Variants in SEC23B observed in about 807,000 individuals in gnomAD.
SEC23B encodes the protein SEC23 homolog B, COPII component, also known as protein transport protein Sec23B.
In SEC23B, 77 loss-of-function variants were observed where a neutral mutation model predicts 104.3. The observed-to-expected ratio is 0.74, with a 90% CI of 0.61 to 0.89. SEC23B has a LOEUF of 0.89. SEC23B is among the 40% of genes least tolerant of loss of function. The probability of loss-of-function intolerance (pLI) is 0.00; values close to 1 mark genes in which losing one functional copy is unlikely to be tolerated. For missense variants in SEC23B, 885 were observed against 949.4 expected (o/e 0.93, Z 0.89); for synonymous variants, 338 against 332.5 (o/e 1.02, Z -0.18).
intron 4 of SEC23B, among the ~76,000 whole-genome samples, chr20:18,523,884 TA>T (rs1469462629): frequency 2.6e-5 from 4 of 152,140 alleles, no homozygotes; most frequent in Admixed American, 6.5e-5. Flanking sequence ...TTTAAATTTT[TA>T]TATTTTTTTT....
chr20:18,535,814 T>A, intron 12 of SEC23B, 72 bp downstream of exon 12: 14 of 1,165,462 alleles, frequency 1.2e-5, no homozygotes, highest in East Asian at 2.3e-5. Flanking sequence ...ACCAGTGGTC[T>A]CTGGTTACTT....
intron 1 of SEC23B, among the ~76,000 whole-genome samples, chr20:18,508,652 G>A (rs2059953753): frequency 6.6e-6 from 1 of 151,046 alleles, no homozygotes; most frequent in Non-Finnish European, 1.5e-5. Flanking sequence ...CAGGCAGTAG[G>A]AAAAGGAGGG....
At chr20:18,554,210 T>C (rs759756754) in intron 17 of SEC23B, 25 bp from the exon 18 acceptor site, 1 of 1,613,936 alleles carries the variant, frequency 6.2e-7, no homozygotes, top group South Asian at 1.1e-5. Context: ...TCCACAATAG[T>C]TTTGGTTGGT....
chr20:18,525,354 T>G lies in SEC23B; in HGVS notation c.689+334T>G, dbSNP rs184935123. On this transcript the variant is annotated intron_variant, in intron 6 of 19. Transcript: ENST00000650089. ...GAGTGCCTAGACTGAGCTAACAAGC[T>G]CGATAAAATGCATTGCCCGACATGC... Among the ~76,000 whole-genome samples the G allele has an allele frequency of 4.7e-3, 723 of 152,316 alleles. 6 individuals are homozygous for G. The Middle Eastern group carries it at 0.058, about 12-fold the overall frequency.
rs113607529 is a variant in SEC23B, at chr20:18,525,183, A to G, written c.689+163A>G. On this transcript the variant is annotated intron_variant, in intron 6 of 19. Transcript: ENST00000650089. ...TCAGTGTTTTGTCAAAAAGGTTTGG[A>G]GACCACTGTGCTCAATTGCTGTTTT... Among the ~76,000 whole-genome samples, 1,216 of 152,356 alleles carry G rather than the reference A, an allele frequency of 8.0e-3. 8 individuals carry two copies. Among genetic ancestry groups the G allele is most frequent in the Middle Eastern group, 0.014 (4 of 294 alleles).
At chr20:18,511,197 TGTGGTGAGTAGTAA>T (rs1411228704) in intron 2 of SEC23B, 141 bp downstream of exon 2, 18 of 706,818 alleles carry the variant, frequency 2.5e-5, no homozygotes, top group Non-Finnish European at 1.8e-5. Flanking sequence ...AAACGATTCT[TGTGGTGAGTAGTAA>T]GTGGTGAATA....
intron 8 of SEC23B, among the ~76,000 whole-genome samples, chr20:18,527,129 A>G (rs1423622986): frequency 1.3e-5 from 2 of 152,268 alleles, no homozygotes; most frequent in African/African-American, 4.8e-5. Flanking sequence ...AGGCACGAGA[A>G]TCCGTTGAAC....
At chr20:18,557,816 G>A (rs1204367078) in intron 19 of SEC23B, among the ~76,000 whole-genome samples, 1 of 143,774 alleles carries the variant, frequency 7.0e-6, no homozygotes, top group African/African-American at 2.6e-5. Context: ...GCAATGGTGT[G>A]ATCTCAGCTC....
Position 18,542,348 on chromosome 20 carries a change from A to G in SEC23B, c.1457A>G (p.His486Arg). The change falls in exon 13 of 20, where the codon CAT becomes CGT. Residue 486 changes from histidine (H) to arginine (R), a missense_variant. Physicochemically the swap from His to Arg is conservative, Grantham distance 29 (BLOSUM62 0). Coordinates refer to ENST00000650089, the MANE Select transcript of SEC23B (RefSeq NM_006363.6). ...GGRGAIQFVT[H>R]YQHSSTQRRI... The stretch of plus-strand genomic sequence containing the variant: ...AGAGGAGCCATCCAGTTTGTCACGC[A>G]TTATCAGCACTCCAGCACCCAGAGA... The G allele has an allele frequency of 2.5e-6, 4 of 1,614,198 alleles. No homozygotes were observed. In the South Asian group the frequency reaches 3.3e-5, roughly 13 times the overall value.
intron 12 of SEC23B, among the ~76,000 whole-genome samples, chr20:18,538,398 C>T (rs763721490): frequency 7.9e-5 from 12 of 151,902 alleles, no homozygotes; most frequent in African/African-American, 1.5e-4. Flanking sequence ...TACAGGCACC[C>T]GCCACCACGC....
intron 16 of SEC23B, among the ~76,000 whole-genome samples, chr20:18,549,586 A>G (rs2060367033): frequency 6.6e-6 from 1 of 152,222 alleles, no homozygotes; most frequent in African/African-American, 2.4e-5. Flanking sequence ...AAAATGTTAC[A>G]TGAAAAAAAG....
intron 17 of SEC23B, among the ~76,000 whole-genome samples, chr20:18,552,583 G>A (rs778508176): frequency 6.6e-6 from 1 of 152,244 alleles, no homozygotes; most frequent in African/African-American, 2.4e-5. Flanking sequence ...GGAGGCCGAG[G>A]TGGGCGGATC....
intron 17 of SEC23B, among the ~76,000 whole-genome samples, chr20:18,552,509 A>G (rs2060396963): frequency 6.6e-6 from 1 of 152,240 alleles, no homozygotes; most frequent in South Asian, 2.1e-4. Flanking sequence ...ATAAAAAATA[A>G]TACAAATAAA....
intron 3 of SEC23B, among the ~76,000 whole-genome samples, chr20:18,513,097 TCGCTTGAAC>T: frequency 6.6e-6 from 1 of 152,274 alleles, no homozygotes; most frequent in East Asian, 1.9e-4. Context: ...GGCAGGTGAA[TCGCTTGAAC>T]CCGGGAGGCG....
intron 15 of SEC23B, among the ~76,000 whole-genome samples, chr20:18,547,832 A>G (rs1279084661): frequency 6.6e-6 from 1 of 152,176 alleles, no homozygotes; most frequent in Non-Finnish European, 1.5e-5. Flanking sequence ...TTCTGTCTCC[A>G]CTGCCTGGCA....
In SEC23B at chr20:18,549,717, C is replaced by T. The variant is rs144597288; in HGVS notation, c.1905+947C>T. Among the ~76,000 whole-genome samples, 840 of 152,232 alleles carry T rather than the reference C, an allele frequency of 5.5e-3. 2 individuals are homozygous for T. The highest frequency in any genetic ancestry group is 0.018 in the African/African-American group (753 of 41,550). On this transcript the variant is annotated intron_variant, in intron 16 of 19. Coordinates refer to ENST00000650089, the MANE Select transcript of SEC23B (RefSeq NM_006363.6). ...TAAAAATTTTCTTTATCGAGTACCA[C>T]TTACTTTTATTATTGAAATAATTAC...
At chr20:18,515,584 C>T (rs1237965696) in intron 3 of SEC23B, 66 bp from the exon 4 acceptor site, 4 of 940,848 alleles carry the variant, frequency 4.3e-6, no homozygotes, top group Admixed American at 1.8e-5. Context: ...ATCATTTTTA[C>T]ACATGGAAAA....
rs373420000 is a variant in SEC23B, at chr20:18,546,024, A to G, written c.1734A>G (p.Leu578=). The change falls in exon 15 of 20, where the codon CTA becomes CTG. Residue 578 remains leucine (L), a synonymous_variant. Coordinates refer to ENST00000650089, the MANE Select transcript of SEC23B (RefSeq NM_006363.6). ...TSFRLSDSFS[L]YPQFMFHLRR... The stretch of plus-strand genomic sequence containing the variant: ...TTAGGTTATCAGATTCCTTTTCTCT[A>G]TATCCTCAGGTAAGTAATGTATGTT... The G allele has an allele frequency of 3.9e-6, 6 of 1,522,312 alleles. No homozygotes were observed. The highest frequency in any genetic ancestry group is 2.7e-5 in the African/African-American group (2 of 73,100). 94.3% of individuals were successfully genotyped at this position (1,522,312 alleles called of 1,614,324 possible).
intron 9 of SEC23B, among the ~76,000 whole-genome samples, chr20:18,529,513 T>C (rs747227503): frequency 2.6e-5 from 4 of 152,188 alleles, no homozygotes; most frequent in South Asian, 2.1e-4. Flanking sequence ...AGTCCGGGGC[T>C]GGTATGTTGC....
Sources: gnomAD v4.1 joint callset for allele counts (sites outside exome capture counted in the v4.1 genomes callset) on GRCh38, gnomAD v4.1.1 for gene constraint, MANE v1.5 for transcripts, NCBI Gene and HGNC (gene_info 2026-07-23, HGNC 2026-07-21) for gene names.